The following NCALD variants were observed in gnomAD, a reference collection of about 807,000 sequenced individuals.
The protein encoded by NCALD is neurocalcin delta.
Under a neutral mutation model 18.6 loss-of-function variants are expected in NCALD, and 10 were observed. The observed-to-expected ratio is 0.54, with a 90% CI of 0.33 to 0.91. The LOEUF is 0.91. Among genes scored for constraint, NCALD ranks in the 40% least tolerant of loss-of-function variants. The probability of loss-of-function intolerance (pLI) is 0.03; values close to 1 mark genes in which losing one functional copy is unlikely to be tolerated. For synonymous variants in NCALD, 88 were observed against 87.4 expected, an observed-to-expected ratio of 1.01 and a Z score of -0.04; for missense variants, 184 against 247.6, an observed-to-expected ratio of 0.74 and a Z score of 1.72.
rs1252215992 is a variant in NCALD, at chr8:102,003,930, TG to T, written c.-157+16306del. On this transcript the variant is annotated intron_variant, in intron 2 of 6. Transcript: ENST00000311028. ...AACGCACAGCCAATATCATACTGAA[TG>T]GGCAAAAACTGGAAGCATTCCCTTT... is the stretch of plus-strand genomic sequence containing the variant. Among the ~76,000 whole-genome samples, 310 of 152,154 alleles carry T rather than the reference TG, an allele frequency of 2.0e-3. 2 individuals are homozygous for T. The highest frequency in any genetic ancestry group is 7.3e-3 in the African/African-American group (301 of 41,488).
At chr8:102,087,578 C>A (rs2132357898) in intron 1 of NCALD, among the ~76,000 whole-genome samples, 1 of 152,254 alleles carries the variant, frequency 6.6e-6, no homozygotes, top group East Asian at 1.9e-4. Flanking sequence ...AGGTTAGAAT[C>A]CTTCTTAAGA....
chr8:102,023,131 TTCCAAGCATCACCCG>T (rs1822333284), intron 1 of NCALD, among the ~76,000 whole-genome samples: 1 of 152,148 alleles, frequency 6.6e-6, no homozygotes, highest in African/African-American at 2.4e-5. Context: ...TCTAAAGAAG[TTCCAAGCATCACCCG>T]CCCTGAAGGC....
chr8:101,982,093 G>T (rs7837198), intron 2 of NCALD, among the ~76,000 whole-genome samples: 28,364 of 152,044 alleles, frequency 0.19, 3,422 homozygotes, highest in African/African-American at 0.35. Context: ...CCCCTGTACC[G>T]TCCACCATCA....
rs550039052 is a variant in NCALD, at chr8:101,938,083, A to G, written c.-156-22225T>C. On this transcript the variant is annotated intron_variant, in intron 2 of 6. Coordinates refer to the NCALD transcript ENST00000311028. ...CATGACTTGTTCTTTATGAGCCCCT[A>G]CTGCTTCTCTCTCTTTCCAAAAATT... Among the ~76,000 whole-genome samples the G allele has an allele frequency of 2.6e-4, 40 of 152,244 alleles. No individual in the cohort carries two copies. In the South Asian group the frequency reaches 8.1e-3, roughly 31 times the overall value.
chr8:101,830,740 CTT>C (rs750459094), intron 4 of NCALD, among the ~76,000 whole-genome samples: 56 of 132,002 alleles, frequency 4.2e-4, no homozygotes, highest in Middle Eastern at 3.8e-3. Flanking sequence ...GAGAGGAATA[CTT>C]TTTTTTTTTT....
At chr8:101,833,998 G>GA (rs1814301369) in intron 4 of NCALD, among the ~76,000 whole-genome samples, 1 of 152,182 alleles carries the variant, frequency 6.6e-6, no homozygotes, top group Non-Finnish European at 1.5e-5. Flanking sequence ...ACCTGGGACA[G>GA]ATGATCATTG....
chr8:101,840,404 T>C (rs1814595608), intron 4 of NCALD, among the ~76,000 whole-genome samples: 1 of 151,718 alleles, frequency 6.6e-6, no homozygotes, highest in South Asian at 2.1e-4. Context: ...GGTCTTGTAA[T>C]ATATAGCCTG....
intron 2 of NCALD, among the ~76,000 whole-genome samples, chr8:101,979,014 T>C (rs897495313): frequency 6.6e-6 from 1 of 152,158 alleles, no homozygotes; most frequent in Non-Finnish European, 1.5e-5. Flanking sequence ...GGGAGCAAAC[T>C]ATTAATCAAA....
intron 4 of NCALD, among the ~76,000 whole-genome samples, chr8:101,848,050 G>C (rs1814939969): frequency 6.6e-6 from 1 of 152,158 alleles, no homozygotes; most frequent in Admixed American, 6.5e-5. Context: ...TTTGGGGGTT[G>C]AATGAGGAAC....
At chr8:101,726,333 A>G (rs958951421) in intron 1 of NCALD, among the ~76,000 whole-genome samples, 1 of 152,222 alleles carries the variant, frequency 6.6e-6, no homozygotes, top group Non-Finnish European at 1.5e-5. Context: ...GGAAAAGGGC[A>G]GAGCCAGGAA....
intron 1 of NCALD, among the ~76,000 whole-genome samples, chr8:102,030,682 C>T (rs992994126): frequency 2.6e-5 from 4 of 152,064 alleles, no homozygotes; most frequent in African/African-American, 9.7e-5. Flanking sequence ...TCAAGACAAG[C>T]CTGGCCAACA....
intron 4 of NCALD, among the ~76,000 whole-genome samples, chr8:101,810,210 C>G: frequency 6.6e-6 from 1 of 152,194 alleles, no homozygotes; most frequent in East Asian, 1.9e-4. Flanking sequence ...TAAACATGGA[C>G]TCCCCAAATA....
chr8:101,893,176 C>T (rs1264951), intron 3 of NCALD, among the ~76,000 whole-genome samples: 49,220 of 151,292 alleles, frequency 0.33, 9,631 homozygotes, highest in African/African-American at 0.54. Context: ...CAGCAGAAAC[C>T]CTACAAGCCA....
At chr8:101,884,055 T>TC (rs1189887155) in intron 4 of NCALD, among the ~76,000 whole-genome samples, 1 of 152,190 alleles carries the variant, frequency 6.6e-6, no homozygotes, top group Non-Finnish European at 1.5e-5. Flanking sequence ...CCTCTAGCTT[T>TC]CCCCCATAGG....
chr8:102,046,280 T>C (rs1290760771), intron 1 of NCALD, among the ~76,000 whole-genome samples: 1 of 152,174 alleles, frequency 6.6e-6, no homozygotes, highest in African/African-American at 2.4e-5. Flanking sequence ...TCCTTTACCA[T>C]ATCTCACAAT....
At chr8:102,119,588 C>A (rs1423285028) in intron 1 of NCALD, among the ~76,000 whole-genome samples, 1 of 152,078 alleles carries the variant, frequency 6.6e-6, no homozygotes, top group African/African-American at 2.4e-5. Flanking sequence ...TATATTTAAC[C>A]ACAGTTTTTT....
chr8:101,756,450 G>A (rs1206554187), intron 1 of NCALD, among the ~76,000 whole-genome samples: 2 of 152,190 alleles, frequency 1.3e-5, no homozygotes, highest in African/African-American at 4.8e-5. Context: ...GACTGTACCT[G>A]GCCCGTGTTC....
intron 3 of NCALD, among the ~76,000 whole-genome samples, chr8:101,888,935 C>A (rs1159997864): frequency 6.6e-6 from 1 of 152,128 alleles, no homozygotes; most frequent in East Asian, 1.9e-4. Context: ...CAAGTCTACC[C>A]TTTTCCCTTA....
Position 102,116,363 on chromosome 8 carries a change from C to A in NCALD, c.-210+7874G>T, listed in dbSNP as rs143758130. On this transcript the variant is annotated intron_variant, in intron 1 of 6. Transcript: ENST00000311028. ...AAATCTAGGGGCACCGTAACAGAGT[C>A]AGAGAATCCATAGTTGCCGTGTATC... is the stretch of plus-strand genomic sequence containing the variant. Among the ~76,000 whole-genome samples the A allele has an allele frequency of 2.3e-3, 354 of 152,296 alleles. 4 individuals are homozygous for A. The highest frequency in any genetic ancestry group is 7.7e-3 in the African/African-American group (318 of 41,564).
Sources: allele counts gnomAD v4.1 joint callset (sites outside exome capture counted in the v4.1 genomes callset), GRCh38; gene constraint gnomAD v4.1.1; transcripts MANE v1.5; gene names NCBI Gene and HGNC (gene_info 2026-07-23, HGNC 2026-07-21).